Variants in NPEPPS observed in about 807,000 individuals in gnomAD.
NPEPPS encodes the protein puromycin-sensitive aminopeptidase.
A neutral mutation model predicts 115.5 loss-of-function variants in NPEPPS; 14 were observed. The observed-to-expected ratio is 0.12, with a 90% CI of 0.08 to 0.19. The LOEUF (loss-of-function observed/expected upper bound fraction) is 0.19. Among genes scored for constraint, NPEPPS ranks in the 10% least tolerant of loss-of-function variants. The probability of loss-of-function intolerance (pLI) is 1.00; values close to 1 mark genes in which losing one functional copy is unlikely to be tolerated. For synonymous variants in NPEPPS, 285 were observed against 390.6 expected (o/e 0.73, Z 3.19); for missense variants, 523 against 1,110.8 (o/e 0.47, Z 7.52).
At chr17:47,546,253 AAAAC>A (rs1027533174) in intron 2 of NPEPPS, among the ~76,000 whole-genome samples, 2 of 151,970 alleles carry the variant, frequency 1.3e-5, no homozygotes, top group Non-Finnish European at 2.9e-5. Flanking sequence ...TGGCGAAACA[AAAAC>A]AAACAAACAA....
chr17:47,592,929 G>A (rs1159659541), intron 12 of NPEPPS, among the ~76,000 whole-genome samples: 2 of 151,784 alleles, frequency 1.3e-5, no homozygotes, highest in Non-Finnish European at 2.9e-5. Flanking sequence ...GACAGGCCCT[G>A]GTGTGTGATG....
intron 19 of NPEPPS, among the ~76,000 whole-genome samples, chr17:47,616,205 A>C (rs1387667440): frequency 1.3e-5 from 2 of 152,100 alleles, no homozygotes; most frequent in South Asian, 2.1e-4. Flanking sequence ...TTAGAGGCAA[A>C]ACTGGGACTA....
At chr17:47,568,741 C>T (rs2261224) in intron 2 of NPEPPS, among the ~76,000 whole-genome samples, 1 of 152,042 alleles carries the variant, frequency 6.6e-6, no homozygotes, top group Non-Finnish European at 1.5e-5. Context: ...CTGCAACCTC[C>T]GCCTCCCGGG....
chr17:47,605,946 C>T (rs1324292706), intron 17 of NPEPPS, among the ~76,000 whole-genome samples: 1 of 152,102 alleles, frequency 6.6e-6, no homozygotes, highest in Admixed American at 6.6e-5. Flanking sequence ...GGCGCGATCT[C>T]GGCTCACCGC....
At position 47,622,325 on chromosome 17, in the gene NPEPPS, C is replaced by T. The variant is rs961161687; in HGVS notation, c.*405C>T. On this transcript the variant is annotated 3_prime_UTR_variant, in exon 23 of 23. Coordinates refer to ENST00000322157, the MANE Select transcript of NPEPPS (RefSeq NM_006310.4). ...TTTGTGAAGTGGGTTCTGCAAGGAG[C>T]CTATAAAGCCAAGGGTGGTGTCCAT... is the stretch of plus-strand genomic sequence containing the variant. The T allele has an allele frequency of 6.2e-6, 1 of 161,994 alleles. No individual in the cohort carries two copies. The highest frequency in any genetic ancestry group is 2.4e-5 in the African/African-American group (1 of 41,352). The allele number at this position is 161,994 out of a possible 1,614,324, so 10.0% of individuals were successfully genotyped here. A position where few individuals can be genotyped will look rare whatever the true frequency, so the allele number is the denominator to read the frequency against.
chr17:47,619,541 T>G (rs867507065), intron 21 of NPEPPS, 196 bp from the exon 22 acceptor site: 190 of 569,070 alleles, frequency 3.3e-4, no homozygotes, highest in South Asian at 1.7e-3. Context: ...GCAACAAGTG[T>G]GAAACTCCGT....
chr17:47,599,767 G>A, intron 14 of NPEPPS, 28 bp downstream of exon 14: 1 of 1,527,476 alleles, frequency 6.5e-7, no homozygotes, highest in Non-Finnish European at 8.9e-7. Flanking sequence ...AGTGAGATAT[G>A]ATTGATGAAT....
At chr17:47,537,459 T>C (rs1597810682) in intron 1 of NPEPPS, among the ~76,000 whole-genome samples, 2 of 152,156 alleles carry the variant, frequency 1.3e-5, no homozygotes, top group East Asian at 3.9e-4. Context: ...TTTGGGAGGC[T>C]GAGGTGGGTG....
intron 1 of NPEPPS, among the ~76,000 whole-genome samples, chr17:47,535,080 T>TA (rs1442431839): frequency 1.8e-4 from 25 of 137,506 alleles, no homozygotes; most frequent in East Asian, 9.1e-4. Context: ...CCATCTCTAC[T>TA]AAAATACAAA....
At chr17:47,534,243 C>T (rs1274779307) in intron 1 of NPEPPS, among the ~76,000 whole-genome samples, 1 of 152,174 alleles carries the variant, frequency 6.6e-6, no homozygotes, top group Non-Finnish European at 1.5e-5. Context: ...AGGTGCCCGC[C>T]ACTGCACCCA....
At chr17:47,553,257 T>C (rs1361836591) in intron 2 of NPEPPS, among the ~76,000 whole-genome samples, 1 of 151,018 alleles carries the variant, frequency 6.6e-6, no homozygotes, top group Non-Finnish European at 1.5e-5. Flanking sequence ...CCTGTAATCC[T>C]AGCTACTCGG....
chr17:47,561,258 A>G (rs1188610777), intron 2 of NPEPPS, among the ~76,000 whole-genome samples: 1 of 150,550 alleles, frequency 6.6e-6, no homozygotes, highest in African/African-American at 2.4e-5. Context: ...CATGCCTGCA[A>G]TCCCAGCATT....
At chr17:47,603,160 G>A (rs926356125) in intron 15 of NPEPPS, among the ~76,000 whole-genome samples, 3 of 152,150 alleles carry the variant, frequency 2.0e-5, no homozygotes, top group African/African-American at 7.2e-5. Context: ...GCTCATGCCT[G>A]TAATCCCAGG....
At chr17:47,560,913 T>C (rs1910384280) in intron 2 of NPEPPS, among the ~76,000 whole-genome samples, 1 of 152,196 alleles carries the variant, frequency 6.6e-6, no homozygotes, top group Non-Finnish European at 1.5e-5. Flanking sequence ...TTAGATTACT[T>C]GTTTAAGTAT....
intron 19 of NPEPPS, among the ~76,000 whole-genome samples, chr17:47,615,729 G>A (rs1914162077): frequency 2.0e-5 from 3 of 152,248 alleles, no homozygotes; most frequent in Admixed American, 2.0e-4. Flanking sequence ...TAGGGGTTCT[G>A]TAAATTTCAT....
Position 47,598,069 on chromosome 17 carries a change from A to G in NPEPPS, c.1536+1607A>G, listed in dbSNP as rs192487396. Among the ~76,000 whole-genome samples, 10 of 152,324 alleles carry G rather than the reference A, an allele frequency of 6.6e-5. No individual in the cohort carries two copies. In the East Asian group the frequency reaches 1.9e-3, roughly 29 times the overall value. ...GGGACTAGTCTTGTTATAGGAGATG[A>G]CTAATTGAATTTGATGTTGACACTG... On this transcript the variant is annotated intron_variant, in intron 13 of 22. Coordinates refer to ENST00000322157, the MANE Select transcript of NPEPPS (RefSeq NM_006310.4).
In NPEPPS at chr17:47,531,409, C is replaced by T. The variant is rs778878338; in HGVS notation, c.109C>T (p.Leu37Phe). 119 of 1,547,232 alleles carry T rather than the reference C, an allele frequency of 7.7e-5. No homozygotes were observed. Among genetic ancestry groups the T allele is most frequent in the Middle Eastern group, 2.3e-4 (1 of 4,358 alleles). Reference protein sequence around the residue: ...LVFSRSSRRRLHSLGLAAMPE... With the variant: ...LVFSRSSRRRFHSLGLAAMPE... ...CTTCAGCCGCTCCTCTCGCCGCCGC[C>T]TCCACAGCCTGGGCCTCGCCGCGAT... is the stretch of plus-strand genomic sequence containing the variant. The change falls in exon 1 of 23, where the codon CTC becomes TTC. Residue 37 changes from leucine to phenylalanine, a missense_variant. Transcript: ENST00000322157.
chr17:47,532,397 T>G (rs1189637847), intron 1 of NPEPPS, among the ~76,000 whole-genome samples: 1 of 152,092 alleles, frequency 6.6e-6, no homozygotes, highest in Non-Finnish European at 1.5e-5. Context: ...GGCTCATGCC[T>G]GTAATCCCAG....
intron 13 of NPEPPS, among the ~76,000 whole-genome samples, chr17:47,599,433 T>G (rs934018533): frequency 6.6e-6 from 1 of 152,268 alleles, no homozygotes; most frequent in Non-Finnish European, 1.5e-5. Context: ...AATGACTGCA[T>G]ATTGTTGAAG....
Sources: allele counts gnomAD v4.1 joint callset (sites outside exome capture counted in the v4.1 genomes callset), GRCh38; gene constraint gnomAD v4.1.1; transcripts MANE v1.5; gene names NCBI Gene and HGNC (gene_info 2026-07-23, HGNC 2026-07-21).